RBKS: variants seen among roughly 807,000 people sequenced by gnomAD.
RBKS encodes the protein ribokinase.
RBKS carries 33 observed loss-of-function variants against 33.9 expected under a neutral mutation model. The observed-to-expected ratio is 0.97, with a 90% CI of 0.74 to 1.30. The LOEUF is 1.30. Among genes scored for constraint, RBKS ranks in the 50% most tolerant of loss-of-function variants. The pLI is 0.00. For synonymous variants in RBKS, 125 were observed against 143.0 expected, an observed-to-expected ratio of 0.87 and a Z score of 0.90; for missense variants, 361 against 392.6, an observed-to-expected ratio of 0.92 and a Z score of 0.68.
At chr2:27,828,651 A>G (rs1678363867) in intron 6 of RBKS, among the ~76,000 whole-genome samples, 1 of 152,164 alleles carries the variant, frequency 6.6e-6, no homozygotes, top group Non-Finnish European at 1.5e-5. Flanking sequence ...GGGGCTTTCA[A>G]CAAGATCCAT....
At chr2:27,849,577 A>AAG (rs1436241759) in intron 2 of RBKS, among the ~76,000 whole-genome samples, 5 of 147,984 alleles carry the variant, frequency 3.4e-5, no homozygotes, top group African/African-American at 1.3e-4. Context: ...AAAAAAAAAA[A>AAG]AAAAAAAAAG....
At chr2:27,832,493 A>T (rs1678435811) in intron 6 of RBKS, among the ~76,000 whole-genome samples, 193 bp downstream of exon 6, 1 of 152,188 alleles carries the variant, frequency 6.6e-6, no homozygotes, top group Non-Finnish European at 1.5e-5. Context: ...GAAGTGACTC[A>T]GAGAATCCTT....
intron 1 of RBKS, among the ~76,000 whole-genome samples, chr2:27,873,118 G>T (rs1364277303): frequency 6.6e-6 from 1 of 152,174 alleles, no homozygotes; most frequent in East Asian, 1.9e-4. Context: ...CTCTTCCTGA[G>T]ACCTGGCTGT....
At chr2:27,844,116 TG>T (rs1432462691) in intron 4 of RBKS, among the ~76,000 whole-genome samples, 1 of 151,956 alleles carries the variant, frequency 6.6e-6, no homozygotes, top group East Asian at 1.9e-4. Flanking sequence ...AAAAATTAGC[TG>T]GGCGTGGTGG....
At chr2:27,794,867 G>T (rs554159855) in intron 7 of RBKS, among the ~76,000 whole-genome samples, 2 of 152,128 alleles carry the variant, frequency 1.3e-5, no homozygotes, top group Admixed American at 1.3e-4. Context: ...TGGGTGATCC[G>T]CCTGCCTCGG....
intron 1 of RBKS, among the ~76,000 whole-genome samples, chr2:27,860,384 A>C (rs956981962): frequency 2.0e-5 from 3 of 152,184 alleles, no homozygotes; most frequent in Non-Finnish European, 4.4e-5. Context: ...GCTACAAACA[A>C]CACTCAGAGC....
chr2:27,797,457 G>C (rs2148186775), intron 7 of RBKS, among the ~76,000 whole-genome samples: 1 of 152,364 alleles, frequency 6.6e-6, no homozygotes, highest in African/African-American at 2.4e-5. Context: ...AGAAAAGGTG[G>C]TAAATGGCAG....
chr2:27,823,246 C>CA (rs1332176842), intron 7 of RBKS, among the ~76,000 whole-genome samples: 6 of 152,146 alleles, frequency 3.9e-5, no homozygotes, highest in Non-Finnish European at 8.8e-5. Flanking sequence ...CAGCTACTGC[C>CA]ACCATCTCAC....
chr2:27,861,347 G>A (rs1301206842), intron 1 of RBKS: 3 of 404,336 alleles, frequency 7.4e-6, no homozygotes, highest in Non-Finnish European at 1.6e-5. Context: ...TGTTGATTAG[G>A]GAAGCAGGGG....
chr2:27,794,197 C>T (rs560077093), intron 7 of RBKS, among the ~76,000 whole-genome samples: 63 of 150,996 alleles, frequency 4.2e-4, no homozygotes, highest in Non-Finnish European at 6.2e-4. Flanking sequence ...CTTGGGAGGC[C>T]GAGGCAGGAG....
chr2:27,890,139 C>T lies in RBKS; in HGVS notation c.89+118G>A. ...AGGCTTCGAAAACCTGCAGCTCATA[C>T]CCAAAGCTAGCACTGTCTATCCCTG... On this transcript the variant is annotated intron_variant, in intron 1 of 7. Transcript: ENST00000302188. This position sits in a 1 kb window ranked among gnomAD's most constrained non-coding sequence, Gnocchi z 4.8. 1 of 875,458 alleles carries T rather than the reference C, an allele frequency of 1.1e-6. No homozygotes were observed. The highest frequency in any genetic ancestry group is 1.6e-5 in the South Asian group (1 of 62,312). 54.2% of individuals were successfully genotyped at this position (875,458 alleles called of 1,614,324 possible).
intron 7 of RBKS, among the ~76,000 whole-genome samples, chr2:27,785,933 A>G (rs1488953964): frequency 6.6e-6 from 1 of 152,204 alleles, no homozygotes. Context: ...AAACCATCTG[A>G]TTGTCTATCA....
At chr2:27,883,980 ATGAT>A (rs1476571408) in intron 1 of RBKS, among the ~76,000 whole-genome samples, 2 of 152,258 alleles carry the variant, frequency 1.3e-5, no homozygotes, top group Non-Finnish European at 2.9e-5. Flanking sequence ...AATTTAATAA[ATGAT>A]TGGTAACTGA....
intron 7 of RBKS, among the ~76,000 whole-genome samples, chr2:27,789,939 A>G (rs13035254): frequency 1.7e-5 from 2 of 118,224 alleles, no homozygotes; most frequent in South Asian, 5.3e-4. Context: ...ATATATATAT[A>G]TGTATATGTG....
intron 1 of RBKS, among the ~76,000 whole-genome samples, chr2:27,875,435 C>A (rs1341346457): frequency 6.6e-6 from 1 of 152,084 alleles, no homozygotes; most frequent in Non-Finnish European, 1.5e-5. Context: ...CACCTGTAGT[C>A]CCAGCTACTC....
chr2:27,821,040 C>CAAA (rs59964452), intron 7 of RBKS, among the ~76,000 whole-genome samples: 59 of 68,372 alleles, frequency 8.6e-4, no homozygotes, highest in African/African-American at 1.5e-3. Context: ...AACTCCATCT[C>CAAA]AAAAAAAAAA....
At chr2:27,830,201 G>C (rs1040492272) in intron 6 of RBKS, among the ~76,000 whole-genome samples, 3 of 152,104 alleles carry the variant, frequency 2.0e-5, no homozygotes, top group African/African-American at 4.8e-5. Flanking sequence ...GTTTGGAGCA[G>C]AGTGAGTATC....
intron 1 of RBKS, among the ~76,000 whole-genome samples, chr2:27,859,354 C>T (rs1412773544): frequency 1.3e-5 from 2 of 152,130 alleles, no homozygotes; most frequent in African/African-American, 2.4e-5. Flanking sequence ...TGTTTCATAG[C>T]CAATCTTGTT....
intron 7 of RBKS, among the ~76,000 whole-genome samples, chr2:27,825,533 C>T (rs1345574052): frequency 6.6e-6 from 1 of 152,212 alleles, no homozygotes; most frequent in Non-Finnish European, 1.5e-5. Context: ...GGACATTCTA[C>T]TGTTTTCTTG....
Sources: allele counts gnomAD v4.1 joint callset (sites outside exome capture counted in the v4.1 genomes callset), GRCh38; gene constraint gnomAD v4.1.1; non-coding constraint Gnocchi (gnomAD v3.1); transcripts MANE v1.5; gene names NCBI Gene and HGNC (gene_info 2026-07-23, HGNC 2026-07-21).